The following PPIG variants were observed in gnomAD, a reference collection of about 807,000 sequenced individuals.
The protein encoded by PPIG is peptidylprolyl isomerase G, also known as peptidyl-prolyl cis-trans isomerase G.
Under a neutral mutation model 87.9 loss-of-function variants are expected in PPIG, and 26 were observed. The ratio of observed to expected loss-of-function variants is 0.30; its 90% confidence interval spans 0.22 to 0.41. PPIG has a LOEUF of 0.41. PPIG is among the 10% of genes least tolerant of loss of function. The probability of loss-of-function intolerance (pLI) is 1.00; values close to 1 mark genes in which losing one functional copy is unlikely to be tolerated. For synonymous variants in PPIG, 308 were observed against 276.5 expected, an observed-to-expected ratio of 1.11 and a Z score of -1.13; for missense variants, 722 against 879.4, an observed-to-expected ratio of 0.82 and a Z score of 2.26.
intron 1 of PPIG, among the ~76,000 whole-genome samples, chr2:169,585,872 C>A (rs1684689918): frequency 6.6e-6 from 1 of 151,892 alleles, no homozygotes; most frequent in Admixed American, 6.6e-5. Context: ...GTCACACACA[C>A]GTTTTTGTCT....
chr2:169,631,567 C>T lies in PPIG; in HGVS notation c.762-199C>T, dbSNP rs188656233. 5.6e-5 allele frequency: 75 copies of T among 1,329,094 alleles called. 1 individual carries two copies. The highest frequency in any genetic ancestry group is 7.7e-5 in the Admixed American group (2 of 26,064). The allele number at this position is 1,329,094 out of a possible 1,614,324, so 82.3% of individuals were successfully genotyped here. On this transcript the variant is annotated intron_variant, in intron 10 of 13. Coordinates refer to ENST00000260970, the MANE Select transcript of PPIG (RefSeq NM_004792.3). ...TTTTTTGAGAGTGTGATAATCGAAA[C>T]GTTTTGTTTTGTTTGTTTTTTGATT... is the stretch of plus-strand genomic sequence containing the variant.
chr2:169,634,352 G>A (rs530506190), intron 12 of PPIG, among the ~76,000 whole-genome samples: 1 of 152,036 alleles, frequency 6.6e-6, no homozygotes, highest in Non-Finnish European at 1.5e-5. Context: ...GTGAGCCACC[G>A]TGTCCACCCA....
intron 5 of PPIG, 50 bp from the exon 6 acceptor site, chr2:169,607,053 CA>C (rs1685352310): frequency 8.7e-7 from 1 of 1,147,812 alleles, no homozygotes; most frequent in East Asian, 2.4e-5. Flanking sequence ...GTTTAGGTAT[CA>C]CCTTTGAGGA....
intron 7 of PPIG, among the ~76,000 whole-genome samples, chr2:169,609,552 A>AT (rs1685430231): frequency 6.6e-6 from 1 of 152,208 alleles, no homozygotes; most frequent in Non-Finnish European, 1.5e-5. Context: ...ACTTGTCAAG[A>AT]GAACACAGGA....
At chr2:169,590,318 A>G (rs1381357586) in intron 1 of PPIG, among the ~76,000 whole-genome samples, 1 of 152,100 alleles carries the variant, frequency 6.6e-6, no homozygotes. Flanking sequence ...TAAAAGAGTA[A>G]CATTTAACAA....
intron 9 of PPIG, among the ~76,000 whole-genome samples, chr2:169,617,007 C>T (rs1384695496): frequency 6.6e-6 from 1 of 151,938 alleles, no homozygotes; most frequent in Non-Finnish European, 1.5e-5. Context: ...TTTAATCTAT[C>T]TCTTGAGTTA....
At chr2:169,593,056 G>C (rs138408403) in intron 1 of PPIG, among the ~76,000 whole-genome samples, 368 of 152,220 alleles carry the variant, frequency 2.4e-3, no homozygotes, top group African/African-American at 8.5e-3. Flanking sequence ...GTATCCTTGA[G>C]TGATAGACTC....
chr2:169,585,460 A>T lies in PPIG; in HGVS notation c.-70+970A>T, dbSNP rs553546888. Among the ~76,000 whole-genome samples the T allele has an allele frequency of 9.2e-5, 14 of 151,570 alleles. No individual in the cohort carries two copies. In the South Asian group the frequency reaches 2.5e-3, roughly 27 times the overall value. On this transcript the variant is annotated intron_variant, in intron 1 of 13. Coordinates refer to ENST00000260970, the MANE Select transcript of PPIG (RefSeq NM_004792.3). ...GTGTTTTTAGTAGAGACGGGTTTTC[A>T]CCGTGTTAGCCAGGATGGTCGATCT...
chr2:169,631,703 G>T, intron 10 of PPIG, 63 bp from the exon 11 acceptor site: 1 of 1,604,788 alleles, frequency 6.2e-7, no homozygotes. Context: ...ACCAACAATT[G>T]GATACTTCCG....
intron 9 of PPIG, among the ~76,000 whole-genome samples, chr2:169,620,056 T>C (rs1685703511): frequency 6.6e-6 from 1 of 152,180 alleles, no homozygotes; most frequent in South Asian, 2.1e-4. Flanking sequence ...GATTGTTTCT[T>C]TGGCTGTGCA....
At chr2:169,592,317 T>TC (rs1380728303) in intron 1 of PPIG, among the ~76,000 whole-genome samples, 1 of 140,732 alleles carries the variant, frequency 7.1e-6, no homozygotes. Flanking sequence ...TTTTTTTTTT[T>TC]TTTTTGAGAT....
chr2:169,592,859 G>A (rs1002732746), intron 1 of PPIG, among the ~76,000 whole-genome samples: 4 of 152,142 alleles, frequency 2.6e-5, no homozygotes, highest in Non-Finnish European at 4.4e-5. Context: ...TAATGTTAGC[G>A]ACACAGCATG....
chr2:169,603,526 C>CATTAATGTATATA (rs1328656230), intron 1 of PPIG, 116 bp from the exon 2 acceptor site: 5 of 147,618 alleles, frequency 3.4e-5, no homozygotes, highest in African/African-American at 1.2e-4. Context: ...TAACTATATA[C>CATTAATGTATATA]TATTTAACAA....
At position 169,584,437 on chromosome 2, in the gene PPIG, T is replaced by G. The variant is rs1375586015; in HGVS notation, c.-123T>G. 2.1e-6 allele frequency: 1 copy of G among 470,868 alleles called. No individual in the cohort carries two copies. The highest frequency in any genetic ancestry group is 4.4e-6 in the Non-Finnish European group (1 of 227,022). 29.2% of individuals were successfully genotyped at this position (470,868 alleles called of 1,614,324 possible). A position where few individuals can be genotyped will look rare whatever the true frequency, so the allele number is the denominator to read the frequency against. ...AGCGCCTTTTCTGGCGGCGGTAGAT[T>G]TGAAGCGCTTCAAAGGACCGGACCC... On this transcript the variant is annotated 5_prime_UTR_variant, in exon 1 of 14. In the 5' UTR this introduces an upstream ATG that the reference lacks. Transcript: ENST00000260970.
At chr2:169,605,908 A>C (rs1480821954) in intron 4 of PPIG, 131 bp from the exon 5 acceptor site, 1 of 647,846 alleles carries the variant, frequency 1.5e-6, no homozygotes, top group Non-Finnish European at 2.7e-6. Flanking sequence ...TTTTAAAAAA[A>C]AATTCCTGAA....
intron 2 of PPIG, 143 bp downstream of exon 2, chr2:169,603,837 T>C (rs1252614780): frequency 1.7e-6 from 1 of 581,394 alleles, no homozygotes; most frequent in Non-Finnish European, 3.0e-6. Context: ...TTCTAATTGC[T>C]TCACAAAATG....
intron 9 of PPIG, among the ~76,000 whole-genome samples, chr2:169,618,708 A>T (rs1685666915): frequency 6.6e-6 from 1 of 151,600 alleles, no homozygotes; most frequent in South Asian, 2.1e-4. Context: ...TCTCCCCTTT[A>T]TCATTTTTTA....
In PPIG at chr2:169,637,636, TTGTC is replaced by T. The variant is rs1686219545; in HGVS notation, c.*114_*117del. On this transcript the variant is annotated 3_prime_UTR_variant, in exon 14 of 14. Coordinates refer to ENST00000260970, the MANE Select transcript of PPIG (RefSeq NM_004792.3). ...TCATTGTTTTTGGATTGTTTTATGT[TTGTC>T]CTTTTTTTTCTTAATGTGGATTTCA... 8.6e-7 allele frequency: 1 copy of T among 1,161,458 alleles called. No individual in the cohort carries two copies. The allele number at this position is 1,161,458 out of a possible 1,614,324, so 71.9% of individuals were successfully genotyped here. A position where few individuals can be genotyped will look rare whatever the true frequency, so the allele number is the denominator to read the frequency against.
At chr2:169,604,510 T>C (rs1049515781) in intron 4 of PPIG, among the ~76,000 whole-genome samples, 1 of 152,000 alleles carries the variant, frequency 6.6e-6, no homozygotes, top group African/African-American at 2.4e-5. Context: ...GATTTCTCCA[T>C]GCATATTACT....
Sources: gnomAD v4.1 joint callset for allele counts (sites outside exome capture counted in the v4.1 genomes callset) on GRCh38, gnomAD v4.1.1 for gene constraint, MANE v1.5 for transcripts, NCBI Gene and HGNC (gene_info 2026-07-23, HGNC 2026-07-21) for gene names.